The following IL20RA variants were observed in gnomAD, a reference collection of about 807,000 sequenced individuals.
IL20RA encodes interleukin-20 receptor subunit alpha.
In IL20RA, 29 loss-of-function variants were observed where a neutral mutation model predicts 36.5. That is an observed-to-expected ratio of 0.79 (90% CI 0.59 to 1.08). The LOEUF is 1.08. Ranked by LOEUF, IL20RA falls within the 50% of genes least tolerant of loss-of-function variation. The probability of loss-of-function intolerance (pLI) is 0.00; values close to 1 mark genes in which losing one functional copy is unlikely to be tolerated. For missense variants in IL20RA, 652 were observed against 668.4 expected (o/e 0.98, Z 0.27); for synonymous variants, 279 against 267.1 (o/e 1.04, Z -0.43).
In IL20RA at chr6:137,004,628, G is replaced by T; in HGVS notation, c.857C>A (p.Ala286Glu). 1.2e-6 allele frequency: 2 copies of T among 1,613,724 alleles called. No homozygotes were observed. Among genetic ancestry groups the T allele is most frequent in the Non-Finnish European group, 1.7e-6 (2 of 1,179,834 alleles). ...GCCACACCAAGTACTCACCAAATTT[G>T]CTGGGTGTTTCTCTTTGCCAACGTG... is the stretch of plus-strand genomic sequence containing the variant. ...YIHVGKEKHP[A>E]NLILIYGNEF... Residue 286 changes from alanine to glutamate, a missense_variant, in exon 6 of 7, where the codon GCA (alanine) becomes GAA (glutamate). Physicochemically the swap from Ala to Glu is moderately radical, Grantham distance 107. Transcript: ENST00000316649.
intron 1 of IL20RA, chr6:137,044,249 G>C: frequency 5.0e-6 from 5 of 990,816 alleles, no homozygotes; most frequent in Non-Finnish European, 6.0e-6. Flanking sequence ...GCGCGGCCGC[G>C]GCGGTGGTGG....
At chr6:137,009,116 G>C (rs1310415809) in intron 4 of IL20RA, 1 of 622,168 alleles carries the variant, frequency 1.6e-6, no homozygotes, top group Non-Finnish European at 2.9e-6. Context: ...ACCATATCCT[G>C]TCAACAGAGT....
intron 1 of IL20RA, among the ~76,000 whole-genome samples, chr6:137,029,262 C>T (rs2115411123): frequency 6.6e-6 from 1 of 152,188 alleles, no homozygotes; most frequent in South Asian, 2.1e-4. Flanking sequence ...AATCCCAGCG[C>T]TTTGGGAGGC....
chr6:137,034,850 C>T (rs909455849), intron 1 of IL20RA, among the ~76,000 whole-genome samples: 1 of 150,624 alleles, frequency 6.6e-6, no homozygotes, highest in African/African-American at 2.4e-5. Context: ...GAGGCTGAGG[C>T]AGGAGAATGG....
At chr6:137,011,608 T>C (rs771954) in intron 2 of IL20RA, among the ~76,000 whole-genome samples, 156 bp from the exon 3 acceptor site, 151,620 of 152,350 alleles carry the variant, frequency 1, 75,450 homozygotes, top group East Asian at 1. Flanking sequence ...ACTTTTGCGG[T>C]GGGCAATTTT....
chr6:137,016,969 T>C lies in IL20RA; in HGVS notation c.223A>G (p.Ile75Val). ...CCAAAAGGAAAAGAAGAAACTTACA[T>C]GAAATACTGCACAGTGTAAGTAACT... The part of the protein sequence containing the change: ...VKVTYTVQYF[I>V]YGQKKWLNKS... Residue 75 changes from isoleucine (I) to valine (V), a missense_variant and splice_region_variant, in exon 2 of 7, where the codon ATA (isoleucine) becomes GTA (valine). Ile to Val is a conservative substitution (Grantham distance 29, BLOSUM62 3). Coordinates refer to ENST00000316649, the MANE Select transcript of IL20RA (RefSeq NM_014432.4). The C allele has an allele frequency of 6.2e-7, 1 of 1,612,642 alleles. No homozygotes were observed. The highest frequency in any genetic ancestry group is 8.5e-7 in the Non-Finnish European group (1 of 1,179,328).
At chr6:137,044,366 C>G (rs1776819940) in intron 1 of IL20RA, 1 of 1,062,716 alleles carries the variant, frequency 9.4e-7, no homozygotes, top group Non-Finnish European at 1.2e-6. Flanking sequence ...CGAACTCCCC[C>G]CACCCCACCT....
chr6:137,040,558 T>C (rs762176489), intron 1 of IL20RA, among the ~76,000 whole-genome samples: 13 of 151,896 alleles, frequency 8.6e-5, no homozygotes, highest in Non-Finnish European at 1.8e-4. Context: ...AAAGATGGGG[T>C]TCCTTAGAGG....
intron 1 of IL20RA, among the ~76,000 whole-genome samples, chr6:137,023,924 T>C (rs1264047297): frequency 1.3e-5 from 2 of 152,128 alleles, no homozygotes; most frequent in East Asian, 1.9e-4. Flanking sequence ...TGAAACACTG[T>C]CTCTACTAAA....
At chr6:137,044,585 C>A in intron 1 of IL20RA, 56 bp downstream of exon 1, 1 of 1,213,000 alleles carries the variant, frequency 8.2e-7, no homozygotes, top group African/African-American at 1.6e-5. Context: ...CTCTGCCTGG[C>A]GGGGCCCCGG....
In IL20RA at chr6:137,014,891, G is replaced by A. The variant is rs1350783276; in HGVS notation, c.224+2077C>T. On this transcript the variant is annotated intron_variant, in intron 2 of 6. Transcript: ENST00000316649. ...TTTATCTCTCTGTTAGCTGGAGGTC[G>A]TCTTTAGTTAGTGCTCCACCTCATC... Among the ~76,000 whole-genome samples the A allele has an allele frequency of 5.9e-5, 9 of 152,216 alleles. No individual in the cohort carries two copies. In the East Asian group the frequency reaches 7.7e-4, roughly 13 times the overall value.
chr6:137,005,537 A>T (rs1047834260), intron 5 of IL20RA, among the ~76,000 whole-genome samples: 1 of 152,220 alleles, frequency 6.6e-6, no homozygotes, highest in Admixed American at 6.5e-5. Flanking sequence ...TTGTTAAGCC[A>T]CTGTGGTATA....
intron 3 of IL20RA, among the ~76,000 whole-genome samples, chr6:137,009,895 C>T (rs1370292441): frequency 3.3e-5 from 5 of 152,222 alleles, no homozygotes; most frequent in South Asian, 4.1e-4. Context: ...TGAGCCACCG[C>T]GCCCAGCCTT....
chr6:137,011,239 G>T, intron 3 of IL20RA, 35 bp downstream of exon 3: 1 of 1,543,194 alleles, frequency 6.5e-7, no homozygotes. Flanking sequence ...ATGAATACAT[G>T]TTTAACTGAC....
At chr6:137,008,484 C>T (rs1582819194) in intron 5 of IL20RA, 115 bp downstream of exon 5, 2 of 1,121,304 alleles carry the variant, frequency 1.8e-6, no homozygotes, top group Non-Finnish European at 2.5e-6. Flanking sequence ...TCTGCCTTTG[C>T]CTCAACCTGT....
intron 1 of IL20RA, among the ~76,000 whole-genome samples, chr6:137,029,004 C>T (rs1459121550): frequency 6.6e-6 from 1 of 152,186 alleles, no homozygotes; most frequent in Non-Finnish European, 1.5e-5. Flanking sequence ...GTTTGCCACT[C>T]AATGGGATAT....
Position 137,008,680 on chromosome 6 carries a change from A to G in IL20RA, c.643T>C (p.Cys215Arg), listed in dbSNP as rs1244357500. The G allele has an allele frequency of 6.2e-7, 1 of 1,608,794 alleles. No homozygotes were observed. The highest frequency in any genetic ancestry group is 1.3e-5 in the African/African-American group (1 of 74,910). The stretch of plus-strand genomic sequence containing the variant: ...GGGACGAAGGACTCCACGTGTACGC[A>G]GTAAAGAGTGTTCGGCTCCAGCCAG... ...LTWLEPNTLYCVHVESFVPGP... is the reference protein window; with the variant it reads ...LTWLEPNTLYRVHVESFVPGP... Residue 215 changes from cysteine (C) to arginine (R), a missense_variant, in exon 5 of 7, where the codon TGC becomes CGC. Coordinates refer to ENST00000316649, the MANE Select transcript of IL20RA (RefSeq NM_014432.4).
chr6:137,033,694 T>C (rs1776377521), intron 1 of IL20RA, among the ~76,000 whole-genome samples: 1 of 152,226 alleles, frequency 6.6e-6, no homozygotes, highest in South Asian at 2.1e-4. Context: ...GCACCATTCT[T>C]CCAGTGTAGC....
At chr6:137,007,867 G>C (rs999889555) in intron 5 of IL20RA, among the ~76,000 whole-genome samples, 4 of 152,216 alleles carry the variant, frequency 2.6e-5, no homozygotes, top group Non-Finnish European at 5.9e-5. Context: ...AGTAAAAAAT[G>C]AATTCTGCTT....
Sources: allele counts gnomAD v4.1 joint callset (sites outside exome capture counted in the v4.1 genomes callset), GRCh38; gene constraint gnomAD v4.1.1; transcripts MANE v1.5; gene names NCBI Gene and HGNC (gene_info 2026-07-23, HGNC 2026-07-21).